Variants in ZFAT observed in about 807,000 individuals in gnomAD.
ZFAT encodes the protein zinc finger and AT-hook domain containing, also known as zinc finger protein ZFAT.
A neutral mutation model predicts 117.7 loss-of-function variants in ZFAT; 64 were observed. The observed-to-expected ratio is 0.54, with a 90% confidence interval of 0.44 to 0.67. The LOEUF (loss-of-function observed/expected upper bound fraction) is 0.67. Among genes scored for constraint, ZFAT ranks in the 30% least tolerant of loss-of-function variants. The probability of loss-of-function intolerance (pLI) is 0.00; values close to 1 mark genes in which losing one functional copy is unlikely to be tolerated. For missense variants in ZFAT, 1,433 were observed against 1,584.5 expected, an observed-to-expected ratio of 0.90 and a Z score of 1.62; for synonymous variants, 679 against 615.0, an observed-to-expected ratio of 1.10 and a Z score of -1.54.
chr8:134,601,978 C>A lies in ZFAT; in HGVS notation c.1741G>T (p.Val581Leu), dbSNP rs79599902. The A allele has an allele frequency of 1.9e-6, 3 of 1,613,730 alleles. No homozygotes were observed. Among genetic ancestry groups the A allele is most frequent in the Non-Finnish European group, 2.5e-6 (3 of 1,179,966 alleles). Residue 581 changes from valine to leucine, a missense_variant, in exon 6 of 16, where the codon GTG becomes TTG. Physicochemically the swap from Val to Leu is conservative, Grantham distance 32. Transcript: ENST00000377838. ...ALPPCELETT[V>L]VSSSDLHSQE... ...GAATGCAGGTCTGAGGAGGAGACCACGGTGGTTTCCAGCTCACAGGGTGGC... is the reference window on the plus strand; with the variant it reads ...GAATGCAGGTCTGAGGAGGAGACCAAGGTGGTTTCCAGCTCACAGGGTGGC...
the ZFAT span, among the ~76,000 whole-genome samples, chr8:134,738,485 G>A: frequency 2.0e-5 from 3 of 152,214 alleles, no homozygotes; most frequent in East Asian, 1.9e-4. Context: ...AACTACGTAC[G>A]AGAGTGAAGT....
chr8:134,590,250 C>A lies in ZFAT; in HGVS notation c.2563+18G>T. 1 of 1,592,012 alleles carries A rather than the reference C, an allele frequency of 6.3e-7. No individual in the cohort carries two copies. The highest frequency in any genetic ancestry group is 8.6e-7 in the Non-Finnish European group (1 of 1,164,966). On this transcript the variant is annotated intron_variant, in intron 8 of 15. Coordinates refer to ENST00000377838, the MANE Select transcript of ZFAT (RefSeq NM_020863.4). ...CATTTTTAACATTAATCTTCCACTCCAAAATGCACAACCTTACCAGGATGG... is the reference window on the plus strand; with the variant it reads ...CATTTTTAACATTAATCTTCCACTCAAAAATGCACAACCTTACCAGGATGG...
intron 10 of ZFAT, among the ~76,000 whole-genome samples, chr8:134,573,197 C>A (rs1809463421): frequency 6.6e-6 from 1 of 152,108 alleles, no homozygotes. Flanking sequence ...TCCTTTGTAA[C>A]AATCCATTGA....
chr8:134,557,144 T>C (rs1027022115), intron 11 of ZFAT, among the ~76,000 whole-genome samples: 3 of 152,246 alleles, frequency 2.0e-5, no homozygotes, highest in South Asian at 2.1e-4. Flanking sequence ...AATAATATAA[T>C]ATTTGAAACT....
In ZFAT at chr8:134,478,734, G is replaced by A. The variant is rs1245569944; in HGVS notation, c.3493-13C>T. 1 of 1,545,566 alleles carries A rather than the reference G, an allele frequency of 6.5e-7. No individual in the cohort carries two copies. The highest frequency in any genetic ancestry group is 1.2e-5 in the South Asian group (1 of 84,138). On this transcript the variant is annotated splice_polypyrimidine_tract_variant and intron_variant, in intron 15 of 15. Transcript: ENST00000377838. This position sits in a 1 kb window ranked among gnomAD's most constrained non-coding sequence, Gnocchi z 5.2. ...CCTCCTCGGTGACCTGCGGGAGGAG[G>A]GCAAGAGAAAGGTCACCCAGCGCCT...
chr8:134,583,788 C>A (rs200758146), intron 10 of ZFAT, 44 bp downstream of exon 10: 3 of 1,600,242 alleles, frequency 1.9e-6, no homozygotes, highest in South Asian at 2.3e-5. Flanking sequence ...CAGCTTCAAA[C>A]CACACATTTA....
the ZFAT span, among the ~76,000 whole-genome samples, chr8:134,731,287 T>C: frequency 1.3e-5 from 2 of 152,334 alleles, no homozygotes; most frequent in Admixed American, 6.5e-5. Context: ...CAAACACATA[T>C]ATGAGAACTT....
chr8:134,820,817 C>T, the ZFAT span, among the ~76,000 whole-genome samples: 3 of 152,296 alleles, frequency 2.0e-5, no homozygotes, highest in African/African-American at 4.8e-5. Flanking sequence ...TACCACAGTG[C>T]CTTCCTTATG....
chr8:134,828,286 A>G, the ZFAT span, among the ~76,000 whole-genome samples: 1 of 152,200 alleles, frequency 6.6e-6, no homozygotes, highest in Non-Finnish European at 1.5e-5. Flanking sequence ...CATTTTTATA[A>G]TATTCAATTA....
At chr8:134,703,976 G>C (rs1174737997) in intron 1 of ZFAT, among the ~76,000 whole-genome samples, 2 of 152,202 alleles carry the variant, frequency 1.3e-5, no homozygotes, top group African/African-American at 2.4e-5. Flanking sequence ...CCTCCTCTAT[G>C]AAAACTCTAC....
chr8:134,595,777 T>A (rs1226317332), intron 7 of ZFAT, among the ~76,000 whole-genome samples: 1 of 152,220 alleles, frequency 6.6e-6, no homozygotes, highest in African/African-American at 2.4e-5. Flanking sequence ...AGGTACACAT[T>A]CTTTCCAATC....
At chr8:134,547,085 T>C (rs1822757150) in intron 11 of ZFAT, among the ~76,000 whole-genome samples, 1 of 152,220 alleles carries the variant, frequency 6.6e-6, no homozygotes, top group African/African-American at 2.4e-5. Flanking sequence ...AAGATGGAGA[T>C]ATTAACATTC....
chr8:134,708,713 G>A (rs969854696), intron 1 of ZFAT, among the ~76,000 whole-genome samples: 1 of 152,190 alleles, frequency 6.6e-6, no homozygotes, highest in Non-Finnish European at 1.5e-5. Flanking sequence ...GGCACTTTGG[G>A]AGGCTGAGGC....
chr8:134,536,723 G>T (rs945491644), intron 11 of ZFAT, among the ~76,000 whole-genome samples: 1 of 152,146 alleles, frequency 6.6e-6, no homozygotes, highest in African/African-American at 2.4e-5. Flanking sequence ...GGAATACATG[G>T]CAAATGAGGC....
At chr8:134,739,010 C>T in the ZFAT span, among the ~76,000 whole-genome samples, 7 of 152,148 alleles carry the variant, frequency 4.6e-5, no homozygotes, top group South Asian at 2.1e-4. Flanking sequence ...TCAGGAGATA[C>T]AGGATGGCAT....
At chr8:134,590,763 A>G (rs951937430) in intron 7 of ZFAT, among the ~76,000 whole-genome samples, 5 of 149,072 alleles carry the variant, frequency 3.4e-5, no homozygotes, top group Admixed American at 2.7e-4. Flanking sequence ...ATCAACAGTC[A>G]TCACCACCAC....
At chr8:134,727,593 C>T in the ZFAT span, among the ~76,000 whole-genome samples, 2 of 152,122 alleles carry the variant, frequency 1.3e-5, no homozygotes, top group Non-Finnish European at 2.9e-5. Flanking sequence ...CTATTTTACA[C>T]GTCAAGCCAG....
At position 134,551,307 on chromosome 8, in the gene ZFAT, C is replaced by T. The variant is rs79377980; in HGVS notation, c.2976+14026G>A. ...GACTGTGGGCCTCAGTGTCCTAATC[C>T]GTAAAACGGGGATGTTAATTACCTA... On this transcript the variant is annotated intron_variant, in intron 11 of 15. Coordinates refer to ENST00000377838, the MANE Select transcript of ZFAT (RefSeq NM_020863.4). Among the ~76,000 whole-genome samples, 476 of 152,256 alleles carry T rather than the reference C, an allele frequency of 3.1e-3. 3 individuals are homozygous for T. Among genetic ancestry groups the T allele is most frequent in the African/African-American group, 9.9e-3 (410 of 41,548 alleles).
the ZFAT span, among the ~76,000 whole-genome samples, chr8:134,782,132 A>G: frequency 6.6e-6 from 1 of 152,346 alleles, no homozygotes; most frequent in Middle Eastern, 3.4e-3. Flanking sequence ...TCTTGCCCCA[A>G]GCCTAAAGAA....
Sources: gnomAD v4.1 joint callset for allele counts (sites outside exome capture counted in the v4.1 genomes callset) on GRCh38, gnomAD v4.1.1 for gene constraint, Gnocchi (gnomAD v3.1) non-coding constraint, MANE v1.5 for transcripts, NCBI Gene and HGNC (gene_info 2026-07-23, HGNC 2026-07-21) for gene names.